DIS3L2: variants seen among roughly 807,000 people sequenced by gnomAD.
DIS3L2 encodes the protein DIS3-like exonuclease 2.
Under a neutral mutation model 97.5 loss-of-function variants are expected in DIS3L2, and 34 were observed. The observed-to-expected ratio is 0.35, with a 90% CI of 0.27 to 0.46. The LOEUF is 0.46. Ranked by LOEUF, DIS3L2 falls within the 20% of genes least tolerant of loss-of-function variation. DIS3L2 has a pLI of 1.00. For missense variants in DIS3L2, 1,038 were observed against 1,146.0 expected, an observed-to-expected ratio of 0.91 and a Z score of 1.36; for synonymous variants, 435 against 445.2, an observed-to-expected ratio of 0.98 and a Z score of 0.29.
At chr2:231,976,918 C>T (rs1403851203) in intron 1 of DIS3L2, among the ~76,000 whole-genome samples, 4 of 151,656 alleles carry the variant, frequency 2.6e-5, no homozygotes, top group Non-Finnish European at 4.4e-5. Context: ...CAGGTGCCCG[C>T]CACCACGCCC....
intron 6 of DIS3L2, among the ~76,000 whole-genome samples, chr2:232,100,829 GTA>G (rs1553607345): frequency 0.011 from 1,687 of 148,134 alleles, 19 homozygotes; most frequent in Non-Finnish European, 0.016. Context: ...GTGTGTGTGT[GTA>G]TATATATCTC....
chr2:232,207,979 GA>G (rs1294343535), intron 9 of DIS3L2, among the ~76,000 whole-genome samples: 1 of 151,864 alleles, frequency 6.6e-6, no homozygotes, highest in African/African-American at 2.4e-5. Context: ...ACATTAAAGG[GA>G]AAAAAATTAA....
chr2:232,138,291 A>G (rs1001600564), intron 8 of DIS3L2, among the ~76,000 whole-genome samples: 2 of 152,254 alleles, frequency 1.3e-5, no homozygotes, highest in African/African-American at 4.8e-5. Context: ...CCTCAAGCAC[A>G]TTTGCTGGAT....
chr2:231,976,577 T>C (rs954505733), intron 1 of DIS3L2, among the ~76,000 whole-genome samples: 1 of 150,268 alleles, frequency 6.7e-6, no homozygotes, highest in Non-Finnish European at 1.5e-5. Context: ...TGTAGTGAGC[T>C]GAAATCTCAC....
chr2:232,184,555 TG>T lies in DIS3L2; in HGVS notation c.1124+20924del, dbSNP rs566200177. On this transcript the variant is annotated intron_variant, in intron 9 of 20. Transcript: ENST00000325385. Reference sequence around the variant, plus strand: ...AGTCCCACTACTAGGGAGGCTGAGGTGAGATAATCACTTGAGCCCAGGAGGT... The same window carrying T: ...AGTCCCACTACTAGGGAGGCTGAGGTAGATAATCACTTGAGCCCAGGAGGT... Among the ~76,000 whole-genome samples, 79 of 151,996 alleles carry T rather than the reference TG, an allele frequency of 5.2e-4. 1 individual carries two copies. The East Asian group carries it at 0.012, about 24-fold the overall frequency.
chr2:232,054,372 GTCTT>G (rs1695488826), intron 5 of DIS3L2, among the ~76,000 whole-genome samples: 1 of 152,102 alleles, frequency 6.6e-6, no homozygotes, highest in Non-Finnish European at 1.5e-5. Flanking sequence ...AACCTATTCT[GTCTT>G]TATTTAAGAA....
intron 6 of DIS3L2, among the ~76,000 whole-genome samples, chr2:232,089,093 C>T (rs1434965969): frequency 6.6e-6 from 1 of 152,210 alleles, no homozygotes; most frequent in Admixed American, 6.5e-5. Context: ...CCGAAGGTAT[C>T]TTCAGGACAT....
intron 1 of DIS3L2, among the ~76,000 whole-genome samples, chr2:231,984,066 GATTTC>G (rs1693340474): frequency 6.6e-6 from 1 of 151,796 alleles, no homozygotes; most frequent in Non-Finnish European, 1.5e-5. Context: ...TCTAGATAGT[GATTTC>G]ATTTATAATT....
chr2:232,003,521 A>G (rs908375362), intron 1 of DIS3L2, among the ~76,000 whole-genome samples: 3 of 152,220 alleles, frequency 2.0e-5, no homozygotes, highest in African/African-American at 7.2e-5. Context: ...TATAATTTAC[A>G]TACATTAAAT....
At chr2:232,323,251 C>A (rs766224049) in intron 14 of DIS3L2, among the ~76,000 whole-genome samples, 1 of 152,238 alleles carries the variant, frequency 6.6e-6, no homozygotes, top group African/African-American at 2.4e-5. Flanking sequence ...GCCGCCCCTA[C>A]CTCTGGGAGC....
chr2:232,306,978 G>A (rs905292390), intron 14 of DIS3L2, among the ~76,000 whole-genome samples: 5 of 152,224 alleles, frequency 3.3e-5, no homozygotes, highest in African/African-American at 1.2e-4. Context: ...ACCCATCTAG[G>A]TAACCTCTGC....
At chr2:232,021,042 CT>C (rs906360400) in intron 3 of DIS3L2, among the ~76,000 whole-genome samples, 19 of 152,082 alleles carry the variant, frequency 1.2e-4, no homozygotes, top group African/African-American at 4.6e-4. Context: ...TTTAAGGACT[CT>C]CAAACAAGCC....
intron 13 of DIS3L2, among the ~76,000 whole-genome samples, chr2:232,342,226 C>G (rs1696121813): frequency 6.7e-6 from 1 of 149,352 alleles, no homozygotes; most frequent in Non-Finnish European, 1.5e-5. Flanking sequence ...TATACACATA[C>G]ATATATACAC....
chr2:231,977,103 A>G (rs1693122170), intron 1 of DIS3L2, among the ~76,000 whole-genome samples: 3 of 152,174 alleles, frequency 2.0e-5, no homozygotes, highest in African/African-American at 2.4e-5. Flanking sequence ...TGAATACCTC[A>G]TGTAACTTAT....
At chr2:232,021,590 T>C (rs188987105) in intron 3 of DIS3L2, among the ~76,000 whole-genome samples, 4 of 151,948 alleles carry the variant, frequency 2.6e-5, no homozygotes, top group Admixed American at 2.0e-4. Context: ...GGATGTGAAG[T>C]CCCAAAAATA....
In DIS3L2 at chr2:232,334,436, C is replaced by G; in HGVS notation, c.2226C>G (p.Arg742=). The G allele has an allele frequency of 6.2e-7, 1 of 1,613,892 alleles. No homozygotes were observed. Among genetic ancestry groups the G allele is most frequent in the Non-Finnish European group, 8.5e-7 (1 of 1,180,012 alleles). Residue 742 remains arginine, a synonymous_variant, in exon 18 of 21, where the codon CGC becomes CGG. Coordinates refer to ENST00000325385, the MANE Select transcript of DIS3L2 (RefSeq NM_152383.5). The part of the protein sequence containing the change: ...LQKQADHCND[R]RMASKRVQEL... ...AACAGGCGGACCACTGTAACGACCG[C>G]CGCATGGCGTCCAAGCGCGTGCAGG...
At chr2:232,331,863 G>A (rs1221242483) in intron 16 of DIS3L2, 3 of 152,308 alleles carry the variant, frequency 2.0e-5, no homozygotes, top group African/African-American at 7.2e-5. Flanking sequence ...GCATTCTCCT[G>A]GCTCGCCTCC....
At chr2:232,283,416 T>C (rs1694347517) in intron 13 of DIS3L2, among the ~76,000 whole-genome samples, 1 of 152,142 alleles carries the variant, frequency 6.6e-6, no homozygotes, top group South Asian at 2.1e-4. Context: ...GTCTTCATGC[T>C]CAGCTAATTT....
intron 19 of DIS3L2, chr2:232,335,058 C>G (rs1007749872): frequency 2.4e-5 from 7 of 293,698 alleles, no homozygotes; most frequent in Non-Finnish European, 4.5e-5. Flanking sequence ...GCGAATGGTC[C>G]GTGGCCGCTT....
Sources: gnomAD v4.1 joint callset for allele counts (sites outside exome capture counted in the v4.1 genomes callset) on GRCh38, gnomAD v4.1.1 for gene constraint, MANE v1.5 for transcripts, NCBI Gene and HGNC (gene_info 2026-07-23, HGNC 2026-07-21) for gene names.